ZNF385D: variants seen among roughly 807,000 people sequenced by gnomAD.
ZNF385D encodes zinc finger protein 385D.
In ZNF385D, 15 loss-of-function variants were observed where a neutral mutation model predicts 35.8. The ratio of observed to expected loss-of-function variants is 0.42; its 90% CI spans 0.28 to 0.64. ZNF385D has a LOEUF of 0.64. Ranked by LOEUF, ZNF385D falls within the 30% of genes least tolerant of loss-of-function variation. The pLI is 0.23. For synonymous variants in ZNF385D, 212 were observed against 186.8 expected, an observed-to-expected ratio of 1.13 and a Z score of -1.10; for missense variants, 474 against 494.6, an observed-to-expected ratio of 0.96 and a Z score of 0.39.
At chr3:21,798,993 T>C (rs962018500) in intron 3 of ZNF385D, among the ~76,000 whole-genome samples, 1 of 152,192 alleles carries the variant, frequency 6.6e-6, no homozygotes, top group African/African-American at 2.4e-5. Context: ...CAAACATTAA[T>C]CTGCTTTACA....
At chr3:22,126,665 G>A (rs1294678420) in intron 3 of ZNF385D, among the ~76,000 whole-genome samples, 1 of 152,064 alleles carries the variant, frequency 6.6e-6, no homozygotes, top group African/African-American at 2.4e-5. Flanking sequence ...GCAGCCATTG[G>A]ATGAAATGTT....
At chr3:21,426,786 C>T (rs190015779) in intron 5 of ZNF385D, among the ~76,000 whole-genome samples, 1 of 152,052 alleles carries the variant, frequency 6.6e-6, no homozygotes, top group Non-Finnish European at 1.5e-5. Context: ...GAAGGGCACT[C>T]GAGGTCACTG....
intron 3 of ZNF385D, among the ~76,000 whole-genome samples, chr3:21,954,397 A>C (rs1325425418): frequency 1.3e-5 from 2 of 152,016 alleles, no homozygotes; most frequent in African/African-American, 4.8e-5. Flanking sequence ...ACACATTCTC[A>C]TGATGGGAGT....
chr3:22,196,250 G>A (rs1696404904), intron 2 of ZNF385D, among the ~76,000 whole-genome samples: 1 of 152,032 alleles, frequency 6.6e-6, no homozygotes, highest in Admixed American at 6.6e-5. Flanking sequence ...TAGGTTTTGA[G>A]TATTCTTATC....
At chr3:21,851,717 A>C in intron 3 of ZNF385D, among the ~76,000 whole-genome samples, 1 of 151,900 alleles carries the variant, frequency 6.6e-6, no homozygotes, top group East Asian at 1.9e-4. Flanking sequence ...ACAATTCAAA[A>C]CCCTCCTACA....
At chr3:22,160,954 C>G (rs1321040562) in intron 3 of ZNF385D, among the ~76,000 whole-genome samples, 1 of 152,000 alleles carries the variant, frequency 6.6e-6, no homozygotes, top group East Asian at 1.9e-4. Context: ...AAAAGTTATG[C>G]CCCTTGTAAT....
intron 2 of ZNF385D, among the ~76,000 whole-genome samples, chr3:21,569,987 G>A (rs1575210580): frequency 6.6e-6 from 1 of 151,310 alleles, no homozygotes; most frequent in Non-Finnish European, 1.5e-5. Context: ...CAGCACACCA[G>A]CATGGCACAT....
At chr3:21,527,759 TA>T (rs11426180) in intron 3 of ZNF385D, among the ~76,000 whole-genome samples, 12 of 149,388 alleles carry the variant, frequency 8.0e-5, no homozygotes, top group African/African-American at 2.7e-4. Context: ...AAAACTATGT[TA>T]AAAAAAAAAA....
At chr3:22,151,174 G>T (rs1367052921) in intron 3 of ZNF385D, among the ~76,000 whole-genome samples, 1 of 152,110 alleles carries the variant, frequency 6.6e-6, no homozygotes, top group Non-Finnish European at 1.5e-5. Context: ...ATAGTTTCAT[G>T]GGGCAGGGGC....
chr3:22,198,991 A>C (rs1458698015), intron 2 of ZNF385D, among the ~76,000 whole-genome samples: 1 of 152,022 alleles, frequency 6.6e-6, no homozygotes, highest in Non-Finnish European at 1.5e-5. Flanking sequence ...TTCCACATCT[A>C]CTACTGTTTA....
intron 3 of ZNF385D, among the ~76,000 whole-genome samples, chr3:22,065,542 G>A (rs1699898941): frequency 1.3e-5 from 2 of 152,178 alleles, no homozygotes; most frequent in African/African-American, 2.4e-5. Flanking sequence ...GCATCCAGAT[G>A]TGAGCTCACT....
At chr3:21,715,616 C>T (rs1008963990) in intron 1 of ZNF385D, among the ~76,000 whole-genome samples, 1 of 151,750 alleles carries the variant, frequency 6.6e-6, no homozygotes, top group African/African-American at 2.4e-5. Context: ...GAGTAGACAC[C>T]CAGTAGTGGG....
chr3:22,171,046 T>C (rs1694383452), intron 2 of ZNF385D, among the ~76,000 whole-genome samples: 1 of 152,224 alleles, frequency 6.6e-6, no homozygotes, highest in Non-Finnish European at 1.5e-5. Flanking sequence ...AGTGGCAAGA[T>C]TAGAGTTGGC....
chr3:22,207,261 G>C (rs1697218974), intron 2 of ZNF385D, among the ~76,000 whole-genome samples: 1 of 151,860 alleles, frequency 6.6e-6, no homozygotes, highest in African/African-American at 2.4e-5. Context: ...ATACGGTCTA[G>C]AACAGATTTG....
intron 2 of ZNF385D, among the ~76,000 whole-genome samples, chr3:22,285,857 T>C (rs1701996525): frequency 2.0e-5 from 3 of 152,136 alleles, no homozygotes; most frequent in African/African-American, 7.2e-5. Flanking sequence ...AGTATTAACA[T>C]TACCATTTAA....
chr3:22,365,232 T>C (rs1696598925), intron 2 of ZNF385D, among the ~76,000 whole-genome samples: 1 of 151,870 alleles, frequency 6.6e-6, no homozygotes, highest in Non-Finnish European at 1.5e-5. Context: ...ATGATTAAGA[T>C]GATACATTTC....
At chr3:21,544,318 G>C (rs2062295144) in intron 3 of ZNF385D, among the ~76,000 whole-genome samples, 1 of 152,192 alleles carries the variant, frequency 6.6e-6, no homozygotes, top group Admixed American at 6.5e-5. Flanking sequence ...GCTGCAGTTA[G>C]CACACAATTA....
At chr3:22,123,115 T>C (rs1703189657) in intron 3 of ZNF385D, among the ~76,000 whole-genome samples, 1 of 151,860 alleles carries the variant, frequency 6.6e-6, no homozygotes, top group Admixed American at 6.6e-5. Flanking sequence ...GATGAGTTGA[T>C]AGATTGTTGG....
chr3:21,948,143 G>C (rs1701887139), intron 3 of ZNF385D, among the ~76,000 whole-genome samples: 1 of 151,774 alleles, frequency 6.6e-6, no homozygotes, highest in South Asian at 2.1e-4. Context: ...TGTAACATCT[G>C]ACAGTTCAAT....
Sources: allele counts gnomAD v4.1 joint callset (sites outside exome capture counted in the v4.1 genomes callset), GRCh38; gene constraint gnomAD v4.1.1; transcripts MANE v1.5; gene names NCBI Gene and HGNC (gene_info 2026-07-23, HGNC 2026-07-21).